CCDC171: variants seen among roughly 807,000 people sequenced by gnomAD.
CCDC171 encodes the protein coiled-coil domain containing 171.
In CCDC171, 177 loss-of-function variants were observed where a neutral mutation model predicts 168.2. The observed-to-expected ratio is 1.05, with a 90% CI of 0.93 to 1.19. The LOEUF is 1.19. CCDC171 is among the 50% of genes most tolerant of loss of function. The pLI is 0.00. For missense variants in CCDC171, 1,991 were observed against 1,539.0 expected, an observed-to-expected ratio of 1.29 and a Z score of -4.91; for synonymous variants, 687 against 540.8, an observed-to-expected ratio of 1.27 and a Z score of -3.75.
rs2134243669 is a variant in CCDC171 at position 15,724,977 on chromosome 9, G to T, written c.1692+1G>T. Reference sequence around the variant, plus strand: ...CCAGGCTTTCCATAAGGATGCAGAGGTATTACCTGAGACTCAATGACTGTC... The same window carrying T: ...CCAGGCTTTCCATAAGGATGCAGAGTTATTACCTGAGACTCAATGACTGTC... On this transcript the variant is annotated splice_donor_variant, in intron 14 of 25. Coordinates refer to ENST00000380701, the MANE Select transcript of CCDC171 (RefSeq NM_173550.4). LOFTEE classifies it high-confidence loss of function. 6.2e-7 allele frequency: 1 copy of T among 1,611,522 alleles called. No individual in the cohort carries two copies. Among genetic ancestry groups the T allele is most frequent in the Middle Eastern group, 1.7e-4 (1 of 6,046 alleles).
intron 25 of CCDC171, among the ~76,000 whole-genome samples, chr9:15,936,668 A>G (rs925559270): frequency 2.6e-5 from 4 of 152,056 alleles, no homozygotes. Flanking sequence ...AAATTAAACG[A>G]GGACCTCTCA....
chr9:16,088,817 A>G, the CCDC171 span, among the ~76,000 whole-genome samples: 2 of 152,196 alleles, frequency 1.3e-5, no homozygotes, highest in Non-Finnish European at 2.9e-5. Context: ...TGCCATCCTC[A>G]TCAAGCTACC....
intron 3 of CCDC171, among the ~76,000 whole-genome samples, chr9:16,000,891 A>G (rs548084341): frequency 6.6e-5 from 10 of 152,158 alleles, no homozygotes; most frequent in African/African-American, 2.4e-4. Flanking sequence ...TGGATCTCGC[A>G]GAGTTACAGC....
At chr9:16,016,671 G>T (rs1467198774) in intron 3 of CCDC171, among the ~76,000 whole-genome samples, 2 of 152,188 alleles carry the variant, frequency 1.3e-5, no homozygotes, top group Non-Finnish European at 2.9e-5. Flanking sequence ...GCTGGTGTCT[G>T]TTGGATTTCC....
chr9:15,972,943 G>A lies in CCDC171; in HGVS notation c.*1107G>A, dbSNP rs1340556334. ...AGGAGCTGAGTTCTAACCACAAAGA[G>A]GTTTCTGGTAACTTACTTGACAAGC... On this transcript the variant is annotated 3_prime_UTR_variant, in exon 26 of 26. Transcript: ENST00000380701. 6.6e-6 allele frequency: 1 copy of A among 152,092 alleles called. No homozygotes were observed. Among genetic ancestry groups the A allele is most frequent in the Non-Finnish European group, 1.5e-5 (1 of 68,028 alleles). 9.4% of individuals were successfully genotyped at this position (152,092 alleles called of 1,614,324 possible). A position where few individuals can be genotyped will look rare whatever the true frequency, so the allele number is the denominator to read the frequency against.
At chr9:15,746,705 T>C (rs906143219) in intron 18 of CCDC171, among the ~76,000 whole-genome samples, 7 of 152,204 alleles carry the variant, frequency 4.6e-5, no homozygotes, top group African/African-American at 1.7e-4. Flanking sequence ...GGGTGATTTC[T>C]ACATTTCCAA....
At chr9:15,766,917 C>T (rs1228867260) in intron 18 of CCDC171, among the ~76,000 whole-genome samples, 1 of 152,140 alleles carries the variant, frequency 6.6e-6, no homozygotes, top group Non-Finnish European at 1.5e-5. Context: ...TTGCCTTGGC[C>T]TCACAAAGTA....
intron 3 of CCDC171, among the ~76,000 whole-genome samples, chr9:16,005,570 G>C (rs1832672318): frequency 6.6e-6 from 1 of 152,080 alleles, no homozygotes; most frequent in Non-Finnish European, 1.5e-5. Flanking sequence ...ACAGATTGAA[G>C]ATATTCAAAA....
At chr9:15,746,488 C>T (rs2055289873) in intron 18 of CCDC171, among the ~76,000 whole-genome samples, 1 of 152,144 alleles carries the variant, frequency 6.6e-6, no homozygotes, top group Admixed American at 6.5e-5. Flanking sequence ...CCTCAAGATA[C>T]TGGGTTTGAA....
intron 10 of CCDC171, among the ~76,000 whole-genome samples, chr9:15,689,517 C>T (rs2050637788): frequency 6.6e-6 from 1 of 152,108 alleles, no homozygotes; most frequent in Non-Finnish European, 1.5e-5. Context: ...TCGAGACCAG[C>T]CTGGCCAACA....
chr9:15,721,159 A>G (rs1015288277), intron 11 of CCDC171, among the ~76,000 whole-genome samples: 1 of 152,208 alleles, frequency 6.6e-6, no homozygotes, highest in Non-Finnish European at 1.5e-5. Context: ...TAATTGAAAC[A>G]TGATGTAGGC....
At chr9:15,583,516 G>A (rs1244824304) in intron 4 of CCDC171, among the ~76,000 whole-genome samples, 1 of 152,106 alleles carries the variant, frequency 6.6e-6, no homozygotes, top group Non-Finnish European at 1.5e-5. Flanking sequence ...GGAGCTGGAG[G>A]CCATTATTCT....
At chr9:15,767,372 A>C (rs1668619567) in intron 18 of CCDC171, among the ~76,000 whole-genome samples, 2 of 152,192 alleles carry the variant, frequency 1.3e-5, no homozygotes, top group African/African-American at 2.4e-5. Context: ...TCACATCTGC[A>C]AATCTCTCTC....
At chr9:15,753,299 G>C (rs1294161907) in intron 18 of CCDC171, among the ~76,000 whole-genome samples, 1 of 152,170 alleles carries the variant, frequency 6.6e-6, no homozygotes, top group East Asian at 1.9e-4. Flanking sequence ...ATGGCATTCA[G>C]ATGAAGGGCA....
intron 1 of CCDC171, among the ~76,000 whole-genome samples, chr9:16,054,059 C>G (rs1027552967): frequency 6.6e-6 from 1 of 152,190 alleles, no homozygotes; most frequent in African/African-American, 2.4e-5. Context: ...ACCATCTTTC[C>G]TTTTCTTCCG....
chr9:15,995,652 T>G (rs1168981588), intron 3 of CCDC171, among the ~76,000 whole-genome samples: 2 of 152,246 alleles, frequency 1.3e-5, no homozygotes, highest in Non-Finnish European at 1.5e-5. Flanking sequence ...TATCAGATTT[T>G]AATCAGTGAT....
At chr9:16,040,153 T>C (rs1425984330), upstream of CCDC171, among the ~76,000 whole-genome samples, 1 of 152,148 alleles carries the variant, frequency 6.6e-6, no homozygotes, top group Non-Finnish European at 1.5e-5. Flanking sequence ...CTCCTCTGCA[T>C]AGCACAGAGG....
intron 1 of CCDC171, among the ~76,000 whole-genome samples, chr9:15,562,472 T>G (rs2039388279): frequency 6.6e-6 from 1 of 152,186 alleles, no homozygotes; most frequent in East Asian, 1.9e-4. Context: ...ATGCTATCTC[T>G]CTAGAGGACC....
intron 25 of CCDC171, among the ~76,000 whole-genome samples, chr9:15,949,210 G>C (rs1159377698): frequency 6.6e-6 from 1 of 152,044 alleles, no homozygotes; most frequent in East Asian, 1.9e-4. Context: ...GTACCATGCT[G>C]TTTTGGTTAC....
Sources: allele counts gnomAD v4.1 joint callset (sites outside exome capture counted in the v4.1 genomes callset), GRCh38; gene constraint gnomAD v4.1.1; transcripts MANE v1.5; gene names NCBI Gene and HGNC (gene_info 2026-07-23, HGNC 2026-07-21).